MTREX: variants seen among roughly 807,000 people sequenced by gnomAD.
The protein encoded by MTREX is Mtr4 exosome RNA helicase.
A neutral mutation model predicts 135.4 loss-of-function variants in MTREX; 76 were observed. The ratio of observed to expected loss-of-function variants is 0.56; its 90% confidence interval spans 0.47 to 0.68. The LOEUF (loss-of-function observed/expected upper bound fraction) is 0.68, where lower values mean the gene tolerates loss of function less well. Ranked by LOEUF, MTREX falls within the 30% of genes least tolerant of loss-of-function variation. The probability of loss-of-function intolerance (pLI) is 0.00; values close to 1 mark genes in which losing one functional copy is unlikely to be tolerated. For missense variants in MTREX, 920 were observed against 1,262.1 expected, an observed-to-expected ratio of 0.73 and a Z score of 4.11; for synonymous variants, 404 against 401.6, an observed-to-expected ratio of 1.01 and a Z score of -0.07.
chr5:55,316,593 G>GT (rs1384994438), intron 1 of MTREX, among the ~76,000 whole-genome samples: 1 of 152,078 alleles, frequency 6.6e-6, no homozygotes, highest in Non-Finnish European at 1.5e-5. Context: ...ACCCCTCCAT[G>GT]TTAAAAACTC....
intron 16 of MTREX, among the ~76,000 whole-genome samples, chr5:55,373,632 C>G (rs977638665): frequency 6.6e-6 from 1 of 152,016 alleles, no homozygotes; most frequent in Non-Finnish European, 1.5e-5. Flanking sequence ...CACACACACA[C>G]AAATAATCAG....
At chr5:55,346,965 G>T (rs768081913) in intron 10 of MTREX, 48 bp from the exon 11 acceptor site, 52 of 1,443,302 alleles carry the variant, frequency 3.6e-5, no homozygotes, top group Non-Finnish European at 4.3e-5. Context: ...ATTTAGATCT[G>T]TGATCTATTT....
chr5:55,320,371 C>T (rs1436211473), intron 1 of MTREX, among the ~76,000 whole-genome samples: 1 of 152,040 alleles, frequency 6.6e-6, no homozygotes, highest in African/African-American at 2.4e-5. Context: ...CTCACCACCA[C>T]ACCCGGCTAA....
At chr5:55,320,231 T>G (rs1052272878) in intron 1 of MTREX, among the ~76,000 whole-genome samples, 1 of 151,698 alleles carries the variant, frequency 6.6e-6, no homozygotes, top group Non-Finnish European at 1.5e-5. Flanking sequence ...TTTTTTTTTT[T>G]TTTTGAGAGG....
At chr5:55,341,005 T>C (rs1476961595) in intron 6 of MTREX, among the ~76,000 whole-genome samples, 1 of 152,256 alleles carries the variant, frequency 6.6e-6, no homozygotes, top group Non-Finnish European at 1.5e-5. Context: ...CTAAGTATTT[T>C]TGTACATACT....
chr5:55,335,308 A>G (rs2112048583), intron 5 of MTREX, among the ~76,000 whole-genome samples: 1 of 152,132 alleles, frequency 6.6e-6, no homozygotes, highest in Non-Finnish European at 1.5e-5. Context: ...TTTAATTTAA[A>G]TGTTTAATTT....
chr5:55,415,303 A>G (rs922030622), intron 24 of MTREX, among the ~76,000 whole-genome samples: 1 of 152,122 alleles, frequency 6.6e-6, no homozygotes, highest in South Asian at 2.1e-4. Context: ...CCCCTGAGTC[A>G]CAAGTTTACC....
At chr5:55,423,213 G>T in intron 26 of MTREX, 1 of 512,768 alleles carries the variant, frequency 2.0e-6, no homozygotes, top group African/African-American at 2.0e-5. Context: ...GCCAGGCATT[G>T]TTTTAAGCAC....
intron 1 of MTREX, among the ~76,000 whole-genome samples, chr5:55,310,573 A>T (rs1488526341): frequency 6.6e-6 from 1 of 151,742 alleles, no homozygotes; most frequent in Non-Finnish European, 1.5e-5. Context: ...GTGCCACTGC[A>T]CTCCAGCCTG....
rs143273461 is a variant in MTREX, at chr5:55,345,986, A to G, written c.1108+790A>G. ...CCGGCTATTTTGTTCATTTTATGCTATATGTACTCATTCCTTTTCATGGTT... is the reference window on the plus strand; with the variant it reads ...CCGGCTATTTTGTTCATTTTATGCTGTATGTACTCATTCCTTTTCATGGTT... On this transcript the variant is annotated intron_variant, in intron 10 of 26. Coordinates refer to ENST00000230640, the MANE Select transcript of MTREX (RefSeq NM_015360.5). Among the ~76,000 whole-genome samples, 203 of 152,108 alleles carry G rather than the reference A, an allele frequency of 1.3e-3. 2 individuals carry two copies. The Middle Eastern group carries it at 0.024, about 18-fold the overall frequency.
chr5:55,358,320 C>A (rs1579868121), intron 14 of MTREX, among the ~76,000 whole-genome samples: 1 of 152,082 alleles, frequency 6.6e-6, no homozygotes, highest in South Asian at 2.1e-4. Context: ...CATAAATTTT[C>A]GATCCAAAAT....
In MTREX at chr5:55,425,350, T is replaced by G. The variant is rs762102008; in HGVS notation, c.*578T>G. The G allele has an allele frequency of 6.3e-7, 1 of 1,575,360 alleles. No individual in the cohort carries two copies. The highest frequency in any genetic ancestry group is 2.2e-5 in the East Asian group (1 of 44,650). On this transcript the variant is annotated 3_prime_UTR_variant, in exon 27 of 27. Coordinates refer to ENST00000230640, the MANE Select transcript of MTREX (RefSeq NM_015360.5). ...CATATACAGCCTACAGTGCAAAATA[T>G]TTAATGGTATAATTTAGATCAAGTT...
At chr5:55,320,651 GA>G (rs34205053) in intron 1 of MTREX, among the ~76,000 whole-genome samples, 59,754 of 152,000 alleles carry the variant, frequency 0.39, 12,639 homozygotes, top group African/African-American at 0.55. Context: ...GTGTCCCTTA[GA>G]AAAAATAACT....
intron 3 of MTREX, among the ~76,000 whole-genome samples, chr5:55,327,057 A>T (rs910713256): frequency 6.6e-6 from 1 of 152,204 alleles, no homozygotes; most frequent in African/African-American, 2.4e-5. Context: ...ATAGTATTCC[A>T]TGGTGTATAT....
At chr5:55,318,755 A>G (rs1749239895) in intron 1 of MTREX, among the ~76,000 whole-genome samples, 1 of 152,030 alleles carries the variant, frequency 6.6e-6, no homozygotes, top group South Asian at 2.1e-4. Context: ...ATGTACCCCA[A>G]ACCTAAAATA....
intron 19 of MTREX, among the ~76,000 whole-genome samples, chr5:55,396,818 C>T (rs1040870693): frequency 5.3e-5 from 8 of 152,166 alleles, no homozygotes; most frequent in African/African-American, 1.9e-4. Context: ...CCTGTGGAAA[C>T]ATTAACTTTG....
At chr5:55,396,157 T>A (rs1422929153) in intron 19 of MTREX, among the ~76,000 whole-genome samples, 1 of 152,226 alleles carries the variant, frequency 6.6e-6, no homozygotes, top group Non-Finnish European at 1.5e-5. Flanking sequence ...AAACTTGGAA[T>A]TCTGTGAAAA....
At position 55,396,197 on chromosome 5, in the gene MTREX, G is replaced by A. The variant is rs552690961; in HGVS notation, c.2182-1219G>A. On this transcript the variant is annotated intron_variant, in intron 19 of 26. Coordinates refer to ENST00000230640, the MANE Select transcript of MTREX (RefSeq NM_015360.5). The stretch of plus-strand genomic sequence containing the variant: ...AGTACCATGAAAGAGCAAGAAAGGT[G>A]GGGTATATTTTTAGATTAAAGAAGA... Among the ~76,000 whole-genome samples, 6 of 152,206 alleles carry A rather than the reference G, an allele frequency of 3.9e-5. No homozygotes were observed. The East Asian group carries it at 1.2e-3, about 29-fold the overall frequency.
At chr5:55,361,533 A>G (rs1750008457) in intron 15 of MTREX, among the ~76,000 whole-genome samples, 1 of 152,022 alleles carries the variant, frequency 6.6e-6, no homozygotes, top group South Asian at 2.1e-4. Context: ...GGCTTGAGTA[A>G]TTTTTTAACT....
Sources: gnomAD v4.1 joint callset for allele counts (sites outside exome capture counted in the v4.1 genomes callset) on GRCh38, gnomAD v4.1.1 for gene constraint, MANE v1.5 for transcripts, NCBI Gene and HGNC (gene_info 2026-07-23, HGNC 2026-07-21) for gene names.